The following COL18A1 variants were observed in gnomAD, a reference collection of about 807,000 sequenced individuals.
COL18A1 encodes the protein collagen alpha-1(XVIII) chain.
COL18A1 carries 133 observed loss-of-function variants against 168.0 expected under a neutral mutation model. The observed-to-expected ratio is 0.79, with a 90% confidence interval of 0.69 to 0.91. COL18A1 has a LOEUF of 0.91. COL18A1 is among the 40% of genes least tolerant of loss of function. COL18A1 has a pLI of 0.00. For missense variants in COL18A1, 2,126 were observed against 1,925.4 expected (o/e 1.10, Z -1.95); for synonymous variants, 949 against 809.0 (o/e 1.17, Z -2.94).
intron 2 of COL18A1, among the ~76,000 whole-genome samples, chr21:45,434,951 C>T (rs1212087675): frequency 4.6e-5 from 7 of 152,030 alleles, no homozygotes; most frequent in African/African-American, 1.4e-4. Flanking sequence ...GAGCCTGGGT[C>T]GGGAAAGCCC....
chr21:45,440,963 G>T (rs989538236), intron 2 of COL18A1, among the ~76,000 whole-genome samples: 2 of 152,194 alleles, frequency 1.3e-5, no homozygotes, highest in Non-Finnish European at 2.9e-5. Context: ...ACCACGGGAC[G>T]CTCACTCATA....
intron 2 of COL18A1, among the ~76,000 whole-genome samples, chr21:45,412,263 G>C (rs1358844328): frequency 6.8e-6 from 1 of 146,112 alleles, no homozygotes; most frequent in African/African-American, 2.5e-5. Flanking sequence ...TCGAGATGGA[G>C]TCTGGCTCTG....
intron 2 of COL18A1, chr21:45,408,110 A>C (rs1383176716): frequency 1.3e-5 from 2 of 152,236 alleles, no homozygotes; most frequent in Non-Finnish European, 2.9e-5. Flanking sequence ...CTGTAAATGA[A>C]AGCAGAGCAG....
intron 2 of COL18A1, among the ~76,000 whole-genome samples, chr21:45,427,764 G>A (rs529300007): frequency 6.4e-4 from 98 of 152,316 alleles, no homozygotes; most frequent in African/African-American, 2.2e-3. Flanking sequence ...TCGCCATCAC[G>A]TGACTCCCAT....
intron 2 of COL18A1, among the ~76,000 whole-genome samples, chr21:45,434,840 G>A (rs79950551): frequency 0.042 from 6,449 of 152,278 alleles, 175 homozygotes; most frequent in African/African-American, 0.073. Flanking sequence ...TCTCTTTTGG[G>A]CTGTGCTGGG....
At chr21:45,419,295 G>T (rs940187700) in intron 2 of COL18A1, among the ~76,000 whole-genome samples, 15 of 151,662 alleles carry the variant, frequency 9.9e-5, no homozygotes, top group Admixed American at 9.2e-4. Context: ...GGGTAGTGAC[G>T]TGATGCCGTG....
chr21:45,489,356 C>A, intron 18 of COL18A1, 130 bp from the exon 19 acceptor site: 1 of 775,976 alleles, frequency 1.3e-6, no homozygotes, highest in Non-Finnish European at 2.3e-6. Flanking sequence ...TGGGACCCCT[C>A]GGCTCTGGGC....
chr21:45,476,789 G>A (rs1259632557), intron 6 of COL18A1, among the ~76,000 whole-genome samples: 1 of 151,810 alleles, frequency 6.6e-6, no homozygotes, highest in Non-Finnish European at 1.5e-5. Context: ...GGTGTGGTGT[G>A]TGTGTTGCGT....
rs368077149 is a variant in COL18A1 at position 45,505,193 on chromosome 21, C to T, written c.2928C>T (p.Pro976=). 6.5e-5 allele frequency: 104 copies of T among 1,604,410 alleles called. No individual in the cohort carries two copies. Among genetic ancestry groups the T allele is most frequent in the Middle Eastern group, 5.0e-4 (3 of 6,052 alleles). ...QPGPPGPQGP[P]GIGYEGRQGP... ...GCCCACCTGGACCTCAGGGACCCCCCGGCATCGGCTACGAGGGGCGCCAGG... is the reference window on the plus strand; with the variant it reads ...GCCCACCTGGACCTCAGGGACCCCCTGGCATCGGCTACGAGGGGCGCCAGG... The change falls in exon 35 of 42, where the codon CCC becomes CCT. Residue 976 remains proline, a synonymous_variant. Coordinates refer to ENST00000651438, the MANE Select transcript of COL18A1 (RefSeq NM_001379500.1).
At chr21:45,424,879 C>T (rs1039898246) in intron 2 of COL18A1, 1 of 152,384 alleles carries the variant, frequency 6.6e-6, no homozygotes, top group Non-Finnish European at 1.5e-5. Flanking sequence ...CTCTTTCTCC[C>T]AGACCTGAGC....
At chr21:45,453,484 C>T (rs886225182) in intron 2 of COL18A1, among the ~76,000 whole-genome samples, 1 of 152,202 alleles carries the variant, frequency 6.6e-6, no homozygotes, top group African/African-American at 2.4e-5. Context: ...CCACCCTTGC[C>T]AGGTGCTTCC....
chr21:45,454,742 A>G (rs967395479), intron 2 of COL18A1, among the ~76,000 whole-genome samples: 4 of 152,128 alleles, frequency 2.6e-5, no homozygotes, highest in African/African-American at 9.7e-5. Context: ...CTCACATGCC[A>G]CTCACATCCC....
intron 2 of COL18A1, among the ~76,000 whole-genome samples, chr21:45,417,024 A>G (rs2033468718): frequency 6.6e-6 from 1 of 152,170 alleles, no homozygotes; most frequent in Non-Finnish European, 1.5e-5. Context: ...CAGCAGAAAT[A>G]ATTCTAGTTC....
chr21:45,479,410 CACACATCACACGTGG>C (rs1568906929), intron 9 of COL18A1, among the ~76,000 whole-genome samples: 14 of 151,666 alleles, frequency 9.2e-5, no homozygotes, highest in African/African-American at 2.9e-4. Context: ...CACGCACGTG[CACACATCACACGTGG>C]ACACATGCAC....
At position 45,455,822 on chromosome 21, in the gene COL18A1, G is replaced by A. The variant is rs781638267; in HGVS notation, c.107-12420G>A. 6 of 1,613,170 alleles carry A rather than the reference G, an allele frequency of 3.7e-6. No homozygotes were observed. Among genetic ancestry groups the A allele is most frequent in the African/African-American group, 2.7e-5 (2 of 74,918 alleles). ...TGGCCAGGACACCCCCACTTCTGCC[G>A]AGAGCCCGGACGCGCCAGAGGAGAA... On this transcript the variant is annotated intron_variant, in intron 2 of 41. Transcript: ENST00000651438.
chr21:45,503,965 T>A, intron 32 of COL18A1, 46 bp from the exon 33 acceptor site: 1 of 1,612,040 alleles, frequency 6.2e-7, no homozygotes, highest in Non-Finnish European at 8.5e-7. Context: ...AACCCGGCGC[T>A]GTCAGACACC....
intron 2 of COL18A1, among the ~76,000 whole-genome samples, chr21:45,406,598 A>G (rs56072431): frequency 1.3e-5 from 2 of 151,934 alleles, no homozygotes; most frequent in African/African-American, 2.4e-5. Context: ...CCATCCCCAC[A>G]GCGGCCCAGG....
intron 2 of COL18A1, among the ~76,000 whole-genome samples, chr21:45,430,513 A>G (rs1388202440): frequency 6.6e-6 from 1 of 151,950 alleles, no homozygotes; most frequent in Non-Finnish European, 1.5e-5. Flanking sequence ...AGCTGTGCCC[A>G]AGGGAGCTGC....
chr21:45,477,012 T>C (rs1188267347), intron 6 of COL18A1, among the ~76,000 whole-genome samples: 2 of 152,016 alleles, frequency 1.3e-5, no homozygotes, highest in Non-Finnish European at 2.9e-5. Context: ...GGGTGTTCAC[T>C]GTGCTTCTCT....
Sources: allele counts gnomAD v4.1 joint callset (sites outside exome capture counted in the v4.1 genomes callset), GRCh38; gene constraint gnomAD v4.1.1; transcripts MANE v1.5; gene names NCBI Gene and HGNC (gene_info 2026-07-23, HGNC 2026-07-21).